Variants in PKD2L1 observed in about 807,000 individuals in gnomAD.
The protein encoded by PKD2L1 is polycystin 2 like 1, transient receptor potential cation channel, also known as polycystin-2-like protein 1.
PKD2L1 carries 77 observed loss-of-function variants against 93.0 expected under a neutral mutation model. That is an observed-to-expected ratio of 0.83 (90% confidence interval 0.69 to 1.00). The LOEUF is 1.00. Ranked by LOEUF, PKD2L1 falls within the 50% of genes least tolerant of loss-of-function variation. PKD2L1 has a pLI of 0.00. For missense variants in PKD2L1, 977 were observed against 990.9 expected, an observed-to-expected ratio of 0.99 and a Z score of 0.19; for synonymous variants, 390 against 388.0, an observed-to-expected ratio of 1.01 and a Z score of -0.06.
chr10:100,297,406 T>C lies in PKD2L1; in HGVS notation c.932A>G (p.Asn311Ser), dbSNP rs767583848. 1.9e-6 allele frequency: 3 copies of C among 1,613,740 alleles called. No individual in the cohort carries two copies. Among genetic ancestry groups the C allele is most frequent in the African/African-American group, 1.3e-5 (1 of 74,866 alleles). The change falls in exon 5 of 16, where the codon AAT becomes AGT. Residue 311 changes from asparagine to serine, a missense_variant. Physicochemically the swap from Asn to Ser is conservative, Grantham distance 46 (BLOSUM62 1). Coordinates refer to ENST00000318222, the MANE Select transcript of PKD2L1 (RefSeq NM_016112.3). ...VFIDFSVYNA[N>S]INLFCVLRLV... Reference sequence around the variant, plus strand: ...CCTCAGGACACAGAAAAGATTGATATTGGCATTGTAGACTGAGAAGTCGAT... The same window carrying C: ...CCTCAGGACACAGAAAAGATTGATACTGGCATTGTAGACTGAGAAGTCGAT...
intron 2 of PKD2L1, among the ~76,000 whole-genome samples, chr10:100,321,687 GAAAGAAAGAAAGAAAGAAAGAAAGA>G (rs1849235878): frequency 8.0e-4 from 1 of 1,244 alleles, no homozygotes; most frequent in Non-Finnish European, 2.1e-3. Context: ...AAGAAAGAAA[GAAAGAAAGAAAGAAAGAAAGAAAGA>G]AAGAAAGAAA....
Position 100,288,330 on chromosome 10 carries a change from A to G in PKD2L1, c.*66T>C, listed in dbSNP as rs1022993827. On this transcript the variant is annotated 3_prime_UTR_variant, in exon 16 of 16. Coordinates refer to ENST00000318222, the MANE Select transcript of PKD2L1 (RefSeq NM_016112.3). ...TAAAGCCCACTCAGTTTCCAGGTTC[A>G]GTGGACCAGGAGGCAGCCTCTTGCA... 22 of 997,472 alleles carry G rather than the reference A, an allele frequency of 2.2e-5. No homozygotes were observed. Among genetic ancestry groups the G allele is most frequent in the Admixed American group, 3.5e-5 (2 of 57,472 alleles). The allele number at this position is 997,472 out of a possible 1,614,324, so 61.8% of individuals were successfully genotyped here. A position where few individuals can be genotyped will look rare whatever the true frequency, so the allele number is the denominator to read the frequency against.
At chr10:100,302,371 A>G (rs1166905332) in intron 2 of PKD2L1, among the ~76,000 whole-genome samples, 1 of 151,834 alleles carries the variant, frequency 6.6e-6, no homozygotes, top group Non-Finnish European at 1.5e-5. Context: ...TTTTTTGGCC[A>G]GGAAATAAAA....
intron 2 of PKD2L1, among the ~76,000 whole-genome samples, chr10:100,305,467 C>G (rs1848778476): frequency 6.6e-6 from 1 of 152,174 alleles, no homozygotes; most frequent in Non-Finnish European, 1.5e-5. Context: ...TTTGACCCAT[C>G]ACAGCAATGT....
chr10:100,298,966 G>A (rs1848616643), intron 3 of PKD2L1, 151 bp from the exon 4 acceptor site: 1 of 617,908 alleles, frequency 1.6e-6, no homozygotes, highest in Non-Finnish European at 2.4e-6. Context: ...ATTATTTTAA[G>A]GGACAGAGTC....
chr10:100,315,375 G>A (rs1849079540), intron 2 of PKD2L1, among the ~76,000 whole-genome samples: 1 of 151,944 alleles, frequency 6.6e-6, no homozygotes, highest in South Asian at 2.1e-4. Flanking sequence ...CATCATCTAG[G>A]TTTTAAGACC....
rs753276802 is a variant in PKD2L1 at position 100,290,042 on chromosome 10, C to A, written c.2223G>T (p.Lys741Asn). 1 of 1,614,138 alleles carries A rather than the reference C, an allele frequency of 6.2e-7. No individual in the cohort carries two copies. Among genetic ancestry groups the A allele is most frequent in the Non-Finnish European group, 8.5e-7 (1 of 1,179,950 alleles). ...CGCCTGGGGAGGGAGCCAGCCACCC[C>A]TTCCTCTCCAGCATTTTCAGCTTTG... Reference protein sequence around the residue: ...VGSKLKMLERKGWLAPSPGVK... With the variant: ...VGSKLKMLERNGWLAPSPGVK... The change falls in exon 14 of 16, where the codon AAG becomes AAT. Residue 741 changes from lysine to asparagine, a missense_variant. Physicochemically the swap from Lys to Asn is moderately conservative, Grantham distance 94. Transcript: ENST00000318222.
chr10:100,296,406 A>T (rs2305385), intron 6 of PKD2L1, 114 bp from the exon 7 acceptor site: 393,387 of 723,326 alleles, frequency 0.54, 110,000 homozygotes, highest in African/African-American at 0.69. Flanking sequence ...GAAAAAAGCC[A>T]TCCTTGCTGA....
chr10:100,325,965 C>A (rs973963546), intron 2 of PKD2L1, among the ~76,000 whole-genome samples: 2 of 152,178 alleles, frequency 1.3e-5, no homozygotes, highest in African/African-American at 4.8e-5. Context: ...GACCTTGAAC[C>A]CACATAGTCG....
At chr10:100,323,901 C>A (rs897295334) in intron 2 of PKD2L1, among the ~76,000 whole-genome samples, 4 of 151,728 alleles carry the variant, frequency 2.6e-5, no homozygotes, top group Non-Finnish European at 5.9e-5. Flanking sequence ...GATCTCAGCT[C>A]ACTGCAACCT....
At chr10:100,304,710 C>T (rs144926669) in intron 2 of PKD2L1, among the ~76,000 whole-genome samples, 1 of 152,250 alleles carries the variant, frequency 6.6e-6, no homozygotes, top group African/African-American at 2.4e-5. Context: ...GTCCTGAACT[C>T]CTGAACTCAA....
At chr10:100,304,317 G>A (rs912685607) in intron 2 of PKD2L1, among the ~76,000 whole-genome samples, 1 of 152,090 alleles carries the variant, frequency 6.6e-6, no homozygotes, top group Non-Finnish European at 1.5e-5. Context: ...ACCATTTTAT[G>A]AAACCCAAAC....
In PKD2L1 at chr10:100,293,301, G is replaced by A. The variant is rs761385365; in HGVS notation, c.1738C>T (p.Leu580Phe). 3.7e-6 allele frequency: 6 copies of A among 1,612,232 alleles called. No homozygotes were observed. Among genetic ancestry groups the A allele is most frequent in the African/African-American group, 1.3e-5 (1 of 74,890 alleles). The change falls in exon 10 of 16, where the codon CTT (leucine) becomes TTT (phenylalanine). Residue 580 changes from leucine to phenylalanine, a missense_variant. By Grantham distance (22) the Leu-to-Phe change is conservative. Coordinates refer to ENST00000318222, the MANE Select transcript of PKD2L1 (RefSeq NM_016112.3). ...ATCACCTGTTTCAGGAGGTCAGAAA[G>A]TTGCAGCTCATCCTTCTGTCCAGCC... The part of the protein sequence containing the change: ...ELAGQKDELQ[L>F]SDLLKQGYNK...
chr10:100,303,871 G>C (rs549057601), intron 2 of PKD2L1, among the ~76,000 whole-genome samples: 2 of 152,326 alleles, frequency 1.3e-5, no homozygotes, highest in South Asian at 4.1e-4. Context: ...TAATGAAGCA[G>C]GTTGGCTAAA....
chr10:100,299,834 A>G, intron 2 of PKD2L1, 116 bp from the exon 3 acceptor site: 1 of 880,034 alleles, frequency 1.1e-6, no homozygotes, highest in Non-Finnish European at 1.8e-6. Flanking sequence ...CCCCATCTGG[A>G]CCCATCCTCT....
At chr10:100,292,309 TG>T (rs1848421496) in intron 11 of PKD2L1, among the ~76,000 whole-genome samples, 1 of 152,002 alleles carries the variant, frequency 6.6e-6, no homozygotes, top group African/African-American at 2.4e-5. Flanking sequence ...CTGGCCAACA[TG>T]GCAAAATCCC....
rs531112694 is a variant in PKD2L1 at position 100,297,686 on chromosome 10, T to C, written c.732-80A>G. 9.7e-4 allele frequency: 885 copies of C among 910,504 alleles called. 11 individuals carry two copies. In the South Asian group the frequency reaches 0.011, roughly 12 times the overall value. The allele number at this position is 910,504 out of a possible 1,614,324, so 56.4% of individuals were successfully genotyped here. On this transcript the variant is annotated intron_variant, in intron 4 of 15. Coordinates refer to ENST00000318222, the MANE Select transcript of PKD2L1 (RefSeq NM_016112.3). ...GGCAATGCTTTATCATTGTCTGGGC[T>C]TTACAGGTTTACATATTGTGTGTGT... is the stretch of plus-strand genomic sequence containing the variant.
At chr10:100,314,964 A>G (rs1379028369) in intron 2 of PKD2L1, among the ~76,000 whole-genome samples, 1 of 13,394 alleles carries the variant, frequency 7.5e-5, no homozygotes, top group Non-Finnish European at 1.3e-4. Flanking sequence ...AGAAAGAAAG[A>G]AGGAAGGAAG....
intron 2 of PKD2L1, among the ~76,000 whole-genome samples, chr10:100,328,853 G>A (rs1410404752): frequency 1.3e-5 from 2 of 152,194 alleles, no homozygotes; most frequent in African/African-American, 4.8e-5. Flanking sequence ...GCCTCCCAAA[G>A]TGCTGGGATT....
Sources: allele counts gnomAD v4.1 joint callset (sites outside exome capture counted in the v4.1 genomes callset), GRCh38; gene constraint gnomAD v4.1.1; transcripts MANE v1.5; gene names NCBI Gene and HGNC (gene_info 2026-07-23, HGNC 2026-07-21).